The following HDAC4 variants were observed in gnomAD, a reference collection of about 807,000 sequenced individuals.
The protein encoded by HDAC4 is histone deacetylase 4, also known as histone deacetylase A.
Under a neutral mutation model 135.1 loss-of-function variants are expected in HDAC4, and 16 were observed. That is an observed-to-expected ratio of 0.12 (90% CI 0.08 to 0.18). HDAC4 has a LOEUF of 0.18. Ranked by LOEUF, HDAC4 falls within the 10% of genes least tolerant of loss-of-function variation. The pLI, the probability that HDAC4 is intolerant of heterozygous loss-of-function variation, is 1.00. For synonymous variants in HDAC4, 685 were observed against 653.4 expected, an observed-to-expected ratio of 1.05 and a Z score of -0.74; for missense variants, 1,143 against 1,511.8, an observed-to-expected ratio of 0.76 and a Z score of 4.05.
At position 239,309,905 on chromosome 2, in the gene HDAC4, G is replaced by A. The variant is rs1374017850; in HGVS notation, c.22+42773C>T. ...GGAAGCTGCCCCCTCCCATGCTGCTGCCTGGTCCCATGGGGCATGAAGGGA... is the reference window on the plus strand; with the variant it reads ...GGAAGCTGCCCCCTCCCATGCTGCTACCTGGTCCCATGGGGCATGAAGGGA... On this transcript the variant is annotated intron_variant, in intron 2 of 26. Transcript: ENST00000543185. The surrounding 1 kb of genome is among the most constrained non-coding windows in gnomAD (Gnocchi z 4.2). Among the ~76,000 whole-genome samples the A allele has an allele frequency of 6.6e-6, 1 of 152,162 alleles. No homozygotes were observed. Among genetic ancestry groups the A allele is most frequent in the Non-Finnish European group, 1.5e-5 (1 of 68,014 alleles).
In HDAC4 at chr2:239,051,370, A is replaced by AACTC. The variant is rs2030819624; in HGVS notation, c.*1723_*1726dup. On this transcript the variant is annotated 3_prime_UTR_variant, in exon 27 of 27. Coordinates refer to ENST00000543185, the MANE Select transcript of HDAC4 (RefSeq NM_001378414.1). ...AGCAACAATTCTGTACGCTGCAGAA[A>AACTC]ACTCATCGTACAAAAATAAAAACAA... 1 of 152,256 alleles carries AACTC rather than the reference A, an allele frequency of 6.6e-6. No individual in the cohort carries two copies. Among genetic ancestry groups the AACTC allele is most frequent in the Non-Finnish European group, 1.5e-5 (1 of 68,040 alleles). 9.4% of individuals were successfully genotyped at this position (152,256 alleles called of 1,614,324 possible).
chr2:239,149,585 C>T (rs1016127530), intron 7 of HDAC4, among the ~76,000 whole-genome samples: 13 of 152,258 alleles, frequency 8.5e-5, no homozygotes, highest in Middle Eastern at 3.4e-3. Flanking sequence ...AACCGCCTCA[C>T]GTGCCCTGCG....
In HDAC4 at chr2:239,111,728, G is replaced by T. The variant is rs112046685; in HGVS notation, c.1792-16C>A. 3 of 1,579,326 alleles carry T rather than the reference G, an allele frequency of 1.9e-6. No individual in the cohort carries two copies. The highest frequency in any genetic ancestry group is 2.6e-6 in the Non-Finnish European group (3 of 1,162,996). ...GGAGGGCTTGCTGCGGGGAAGAAAC[G>T]GCCGTGTTGGCGGTTGCGGATGTCT... On this transcript the variant is annotated splice_polypyrimidine_tract_variant and intron_variant, in intron 13 of 26. Transcript: ENST00000543185.
chr2:239,111,402 C>T (rs902102838), intron 14 of HDAC4, 124 bp downstream of exon 14: 15 of 908,280 alleles, frequency 1.7e-5, no homozygotes, highest in African/African-American at 4.9e-5. Context: ...CACCATCCAG[C>T]GTGGCCCTCG....
Position 239,048,796 on chromosome 2 carries a change from G to A in HDAC4, c.*4301C>T, listed in dbSNP as rs1559328296. Reference sequence around the variant, plus strand: ...AGAAATGGTTTCCTTTCGATGCAAAGTATAATTGTAAACCACAGTGCTCGC... The same window carrying A: ...AGAAATGGTTTCCTTTCGATGCAAAATATAATTGTAAACCACAGTGCTCGC... On this transcript the variant is annotated 3_prime_UTR_variant, in exon 27 of 27. Transcript: ENST00000543185. 2.6e-5 allele frequency: 4 copies of A among 152,222 alleles called. No individual in the cohort carries two copies. The highest frequency in any genetic ancestry group is 6.5e-5 in the Admixed American group (1 of 15,288). The allele number at this position is 152,222 out of a possible 1,614,324, so 9.4% of individuals were successfully genotyped here. A position where few individuals can be genotyped will look rare whatever the true frequency, so the allele number is the denominator to read the frequency against.
chr2:239,131,423 A>C (rs1254510632), intron 11 of HDAC4, among the ~76,000 whole-genome samples: 1 of 152,244 alleles, frequency 6.6e-6, no homozygotes, highest in East Asian at 1.9e-4. Flanking sequence ...AACTCAAGCA[A>C]GAGTTCGTCA....
chr2:239,378,526 G>A (rs540533752), intron 1 of HDAC4, among the ~76,000 whole-genome samples: 6 of 152,258 alleles, frequency 3.9e-5, no homozygotes, highest in South Asian at 2.1e-4. Context: ...CATATCCAGA[G>A]GTCCCTGTCC....
In HDAC4 at chr2:239,068,823, A is replaced by C. The variant is rs758204647; in HGVS notation, c.2751-216T>G. 3 of 615,442 alleles carry C rather than the reference A, an allele frequency of 4.9e-6. No individual in the cohort carries two copies. The highest frequency in any genetic ancestry group is 9.0e-6 in the Non-Finnish European group (3 of 332,476). 38.1% of individuals were successfully genotyped at this position (615,442 alleles called of 1,614,324 possible). ...TGATCCAGGCTCATTTCACATCTTC[A>C]CAGTGCAAGCCAGCAAGCCCCACGA... On this transcript the variant is annotated intron_variant, in intron 22 of 26. Coordinates refer to ENST00000543185, the MANE Select transcript of HDAC4 (RefSeq NM_001378414.1). The surrounding 1 kb of genome is among the most constrained non-coding windows in gnomAD (Gnocchi z 4.4).
intron 22 of HDAC4, among the ~76,000 whole-genome samples, chr2:239,080,437 T>G (rs1158608132): frequency 1.3e-5 from 2 of 152,168 alleles, no homozygotes; most frequent in Admixed American, 1.3e-4. Flanking sequence ...CGCCCGTCAC[T>G]CCACCACGGC....
intron 19 of HDAC4, among the ~76,000 whole-genome samples, 177 bp from the exon 20 acceptor site, chr2:239,084,419 G>A (rs2035662372): frequency 6.6e-6 from 1 of 151,674 alleles, no homozygotes; most frequent in Non-Finnish European, 1.5e-5. Context: ...TTAACAGACA[G>A]ACACGTACAC....
At position 239,183,740 on chromosome 2, in the gene HDAC4, C is replaced by T. The variant is rs554273343; in HGVS notation, c.339+6093G>A. On this transcript the variant is annotated intron_variant, in intron 4 of 26. Coordinates refer to ENST00000543185, the MANE Select transcript of HDAC4 (RefSeq NM_001378414.1). The stretch of plus-strand genomic sequence containing the variant: ...CCTCCCCACCGCACCCCTGTCCTGG[C>T]GCAGAGCCCTGGATCAGGCATTCGG... Among the ~76,000 whole-genome samples, 14 of 152,300 alleles carry T rather than the reference C, an allele frequency of 9.2e-5. No homozygotes were observed. The East Asian group carries it at 9.7e-4, about 11-fold the overall frequency.
intron 22 of HDAC4, among the ~76,000 whole-genome samples, chr2:239,079,746 GCACA>G (rs149819180): frequency 3.1e-4 from 47 of 151,458 alleles, no homozygotes; most frequent in African/African-American, 9.5e-4. Context: ...ATACAGATGT[GCACA>G]CACACACAGA....
chr2:239,161,393 T>C (rs1413228457), intron 6 of HDAC4, among the ~76,000 whole-genome samples: 1 of 152,184 alleles, frequency 6.6e-6, no homozygotes, highest in South Asian at 2.1e-4. Flanking sequence ...GAAAAGTTTC[T>C]ACTAGGTCTC....
At position 239,357,009 on chromosome 2, in the gene HDAC4, A is replaced by G. The variant is rs1366116220; in HGVS notation, c.-219-4091T>C. Among the ~76,000 whole-genome samples the G allele has an allele frequency of 2.0e-5, 3 of 152,208 alleles. No individual in the cohort carries two copies. The East Asian group carries it at 5.8e-4, about 29-fold the overall frequency. On this transcript the variant is annotated intron_variant, in intron 1 of 26. Transcript: ENST00000543185. Reference sequence around the variant, plus strand: ...TAAGAACAGAGAAGACCTGACCACTACCACCCAACTTGACCAAAATGACAT... The same window carrying G: ...TAAGAACAGAGAAGACCTGACCACTGCCACCCAACTTGACCAAAATGACAT...
At chr2:239,284,806 C>T (rs1001204131) in intron 2 of HDAC4, among the ~76,000 whole-genome samples, 4 of 152,172 alleles carry the variant, frequency 2.6e-5, no homozygotes, top group African/African-American at 9.7e-5. Flanking sequence ...CACAAGCAGC[C>T]CTCCCACAGG....
At chr2:239,279,057 C>T (rs1156295251) in intron 2 of HDAC4, among the ~76,000 whole-genome samples, 1 of 152,206 alleles carries the variant, frequency 6.6e-6, no homozygotes, top group Non-Finnish European at 1.5e-5. Context: ...GGGGCCACAC[C>T]CTGCCCCAGG....
chr2:239,210,768 G>A (rs879709043), intron 3 of HDAC4, among the ~76,000 whole-genome samples: 1 of 152,226 alleles, frequency 6.6e-6, no homozygotes, highest in South Asian at 2.1e-4. Context: ...ACACTCAACA[G>A]GTGGGATAAG....
At chr2:239,271,563 G>C (rs962696829) in intron 2 of HDAC4, among the ~76,000 whole-genome samples, 1 of 152,198 alleles carries the variant, frequency 6.6e-6, no homozygotes, top group Non-Finnish European at 1.5e-5. Context: ...CGATTCTGCC[G>C]GCATCCTCCC....
chr2:239,083,638 C>T (rs754555188), intron 20 of HDAC4, among the ~76,000 whole-genome samples: 19 of 152,122 alleles, frequency 1.2e-4, no homozygotes, highest in Non-Finnish European at 2.2e-4. Flanking sequence ...TATACCTATT[C>T]GTGGAATTCA....
Sources: gnomAD v4.1 joint callset for allele counts (sites outside exome capture counted in the v4.1 genomes callset) on GRCh38, gnomAD v4.1.1 for gene constraint, Gnocchi (gnomAD v3.1) non-coding constraint, MANE v1.5 for transcripts, NCBI Gene and HGNC (gene_info 2026-07-23, HGNC 2026-07-21) for gene names.